The following SLC9A9 variants were observed in gnomAD, a reference collection of about 807,000 sequenced individuals.
SLC9A9 encodes the protein sodium/hydrogen exchanger 9.
Under a neutral mutation model 77.8 loss-of-function variants are expected in SLC9A9, and 62 were observed. That is an observed-to-expected ratio of 0.80 (90% CI 0.65 to 0.98). The LOEUF is 0.98. Ranked by LOEUF, SLC9A9 falls within the 50% of genes least tolerant of loss-of-function variation. The pLI is 0.00. For missense variants in SLC9A9, 775 were observed against 774.9 expected (o/e 1.00, Z 0.00); for synonymous variants, 320 against 283.5 (o/e 1.13, Z -1.29).
At chr3:143,801,302 G>C (rs1315929714) in intron 2 of SLC9A9, among the ~76,000 whole-genome samples, 1 of 152,168 alleles carries the variant, frequency 6.6e-6, no homozygotes, top group Non-Finnish European at 1.5e-5. Context: ...TGGCCATGAT[G>C]TCTCCATGCA....
At chr3:143,381,876 C>A in intron 13 of SLC9A9, 184 bp downstream of exon 13, 1 of 694,420 alleles carries the variant, frequency 1.4e-6, no homozygotes. Context: ...TCTAAGCATT[C>A]ATATGCTAGA....
chr3:143,489,011 T>C lies in SLC9A9; in HGVS notation c.1315+4642A>G, dbSNP rs149919205. 2.8e-3 allele frequency among the ~76,000 whole-genome samples: 429 copies of C among 152,054 alleles called. 5 individuals are homozygous for C. In the Middle Eastern group the frequency reaches 0.031, roughly 11 times the overall value. On this transcript the variant is annotated intron_variant, in intron 11 of 15. Transcript: ENST00000316549. The stretch of plus-strand genomic sequence containing the variant: ...TCCTAAAGATTTCACAAAAAACCTG[T>C]TAAACCTAATAAATGAATTAAGCAA...
At chr3:143,379,159 C>T (rs186784010) in intron 13 of SLC9A9, among the ~76,000 whole-genome samples, 19 of 152,128 alleles carry the variant, frequency 1.2e-4, no homozygotes, top group African/African-American at 3.6e-4. Flanking sequence ...TAAGGCTGCC[C>T]ATTACAAAGA....
chr3:143,556,813 A>G (rs2036991121), intron 8 of SLC9A9, among the ~76,000 whole-genome samples: 1 of 151,990 alleles, frequency 6.6e-6, no homozygotes, highest in Admixed American at 6.6e-5. Flanking sequence ...CTAAACTTTG[A>G]TAGTTCTTGG....
chr3:143,622,346 T>C (rs1457354569), intron 6 of SLC9A9, among the ~76,000 whole-genome samples: 2 of 151,826 alleles, frequency 1.3e-5, no homozygotes, highest in Non-Finnish European at 2.9e-5. Context: ...AAGGAAAAAA[T>C]GTTAAGGGCA....
Position 143,384,037 on chromosome 3 carries a change from T to C in SLC9A9, c.1470-1923A>G, listed in dbSNP as rs2108499904. Among the ~76,000 whole-genome samples the C allele has an allele frequency of 2.6e-5, 4 of 152,344 alleles. No homozygotes were observed. The Middle Eastern group carries it at 0.01, about 389-fold the overall frequency. On this transcript the variant is annotated intron_variant, in intron 12 of 15. Coordinates refer to ENST00000316549, the MANE Select transcript of SLC9A9 (RefSeq NM_173653.4). ...TTTATTTTGTGCTGAATTTTTTGCC[T>C]TTAGGTTACTGGGAAGAGCCTCTGG...
chr3:143,457,347 G>C (rs919160065), intron 12 of SLC9A9, among the ~76,000 whole-genome samples: 3 of 152,110 alleles, frequency 2.0e-5, no homozygotes, highest in Admixed American at 1.3e-4. Context: ...TTGATGATAT[G>C]AGTCTTTTTC....
intron 6 of SLC9A9, among the ~76,000 whole-genome samples, chr3:143,598,244 C>T (rs1283238750): frequency 6.6e-6 from 1 of 152,106 alleles, no homozygotes; most frequent in Admixed American, 6.5e-5. Context: ...GTTGCCATGG[C>T]GATTTTCATT....
intron 6 of SLC9A9, among the ~76,000 whole-genome samples, chr3:143,602,506 A>AT (rs2108688184): frequency 6.6e-6 from 1 of 152,326 alleles, no homozygotes; most frequent in Non-Finnish European, 1.5e-5. Flanking sequence ...CCCTCTAGAC[A>AT]TTTTTAATGC....
chr3:143,548,796 G>A (rs2036833394), intron 9 of SLC9A9, among the ~76,000 whole-genome samples: 1 of 152,108 alleles, frequency 6.6e-6, no homozygotes, highest in African/African-American at 2.4e-5. Context: ...CTTTAAAAAG[G>A]CACTCTAATT....
At chr3:143,798,093 G>A (rs918540419) in intron 2 of SLC9A9, among the ~76,000 whole-genome samples, 5 of 152,160 alleles carry the variant, frequency 3.3e-5, no homozygotes, top group South Asian at 4.2e-4. Context: ...TCCGGTAAGC[G>A]GACTCTCTTT....
intron 2 of SLC9A9, among the ~76,000 whole-genome samples, chr3:143,802,916 C>T (rs909714472): frequency 5.9e-5 from 9 of 152,176 alleles, no homozygotes; most frequent in African/African-American, 2.2e-4. Context: ...TTGTCCCAGA[C>T]ACCAGCCCTC....
chr3:143,792,094 G>T (rs923599232), intron 4 of SLC9A9, among the ~76,000 whole-genome samples: 1 of 152,130 alleles, frequency 6.6e-6, no homozygotes, highest in Non-Finnish European at 1.5e-5. Flanking sequence ...TCTGTTAAAT[G>T]AGGGTAATAA....
chr3:143,575,748 A>T (rs973532854), intron 7 of SLC9A9, among the ~76,000 whole-genome samples: 1 of 152,146 alleles, frequency 6.6e-6, no homozygotes, highest in Admixed American at 6.6e-5. Flanking sequence ...GCTATCTAAC[A>T]TTCTTTTCTT....
intron 14 of SLC9A9, among the ~76,000 whole-genome samples, chr3:143,311,757 T>C (rs1295756197): frequency 3.9e-5 from 6 of 152,360 alleles, no homozygotes; most frequent in East Asian, 1.9e-4. Flanking sequence ...AGAACTATGT[T>C]CTGAATGTTC....
intron 12 of SLC9A9, among the ~76,000 whole-genome samples, chr3:143,457,088 C>T (rs2035107565): frequency 6.6e-6 from 1 of 152,110 alleles, no homozygotes; most frequent in Admixed American, 6.5e-5. Flanking sequence ...GTGGTGTGAT[C>T]ATGGCTCACT....
intron 2 of SLC9A9, among the ~76,000 whole-genome samples, chr3:143,823,608 A>C (rs1407562861): frequency 6.6e-6 from 1 of 152,194 alleles, no homozygotes; most frequent in African/African-American, 2.4e-5. Flanking sequence ...AAAACATTTT[A>C]TGTAACCCAT....
chr3:143,552,349 T>A lies in SLC9A9; in HGVS notation c.1089+13A>T. ...GAAAAGAGACCAAGTCTGTAGTAAATTTTTTCTTTTACCTGTTTAGTTCTT... is the reference window on the plus strand; with the variant it reads ...GAAAAGAGACCAAGTCTGTAGTAAAATTTTTCTTTTACCTGTTTAGTTCTT... On this transcript the variant is annotated intron_variant, in intron 9 of 15. Transcript: ENST00000316549. The A allele has an allele frequency of 1.2e-6, 2 of 1,601,350 alleles. No individual in the cohort carries two copies. Among genetic ancestry groups the A allele is most frequent in the Non-Finnish European group, 1.7e-6 (2 of 1,170,762 alleles).
chr3:143,706,551 C>A (rs1388532579), intron 4 of SLC9A9, among the ~76,000 whole-genome samples: 4 of 152,158 alleles, frequency 2.6e-5, no homozygotes, highest in Non-Finnish European at 4.4e-5. Context: ...AAACAGGGAG[C>A]CAAGTGAAGC....
Sources: gnomAD v4.1 joint callset for allele counts (sites outside exome capture counted in the v4.1 genomes callset) on GRCh38, gnomAD v4.1.1 for gene constraint, MANE v1.5 for transcripts, NCBI Gene and HGNC (gene_info 2026-07-23, HGNC 2026-07-21) for gene names.